CEP126: variants seen among roughly 807,000 people sequenced by gnomAD.
The protein encoded by CEP126 is centrosomal protein 126, also known as centrosomal protein of 126 kDa.
In CEP126, 74 loss-of-function variants were observed where a neutral mutation model predicts 107.8. The observed-to-expected ratio is 0.69, with a 90% confidence interval of 0.57 to 0.83. The LOEUF is 0.83. Ranked by LOEUF, CEP126 falls within the 40% of genes least tolerant of loss-of-function variation. The probability of loss-of-function intolerance (pLI) is 0.00; values close to 1 mark genes in which losing one functional copy is unlikely to be tolerated. For synonymous variants in CEP126, 449 were observed against 446.0 expected (o/e 1.01, Z -0.08); for missense variants, 1,237 against 1,281.9 (o/e 0.96, Z 0.53).
intron 5 of CEP126, among the ~76,000 whole-genome samples, chr11:101,960,677 C>A (rs1420273637): frequency 6.6e-6 from 1 of 151,846 alleles, no homozygotes; most frequent in Non-Finnish European, 1.5e-5. Flanking sequence ...TATTTTTATT[C>A]TGTAATTTAT....
intron 2 of CEP126, among the ~76,000 whole-genome samples, chr11:101,923,801 G>C (rs550796937): frequency 1.6e-4 from 25 of 152,190 alleles, no homozygotes; most frequent in African/African-American, 5.1e-4. Context: ...GGAAATACTA[G>C]CTCTATGAAT....
chr11:101,987,447 A>C (rs1941328846), intron 9 of CEP126, among the ~76,000 whole-genome samples: 1 of 152,188 alleles, frequency 6.6e-6, no homozygotes, highest in Non-Finnish European at 1.5e-5. Context: ...CAAAAAGATA[A>C]GGAGAGTGCA....
intron 1 of CEP126, among the ~76,000 whole-genome samples, chr11:101,919,528 A>G (rs1190597340): frequency 6.6e-6 from 1 of 152,106 alleles, no homozygotes; most frequent in Non-Finnish European, 1.5e-5. Context: ...TACCTTTACC[A>G]TACAGCTTGT....
intron 6 of CEP126, among the ~76,000 whole-genome samples, chr11:101,977,921 T>C (rs1172423861): frequency 6.6e-6 from 1 of 152,214 alleles, no homozygotes; most frequent in Non-Finnish European, 1.5e-5. Context: ...TTAAGATAAC[T>C]GAGTTTACTT....
intron 9 of CEP126, among the ~76,000 whole-genome samples, chr11:101,988,506 T>C (rs1941339300): frequency 6.6e-6 from 1 of 151,956 alleles, no homozygotes; most frequent in Admixed American, 6.6e-5. Context: ...ACAATGCCAA[T>C]CTACAGATTC....
intron 4 of CEP126, 80 bp from the exon 5 acceptor site, chr11:101,958,088 C>A (rs537717902): frequency 2.0e-5 from 23 of 1,162,696 alleles, no homozygotes; most frequent in Non-Finnish European, 2.7e-5. Context: ...CGTATTACAC[C>A]TAATGTGTCA....
chr11:101,945,089 G>A (rs1319691399), intron 3 of CEP126, among the ~76,000 whole-genome samples: 1 of 152,180 alleles, frequency 6.6e-6, no homozygotes, highest in Admixed American at 6.5e-5. Context: ...CTGTTTTGGA[G>A]ATGAGAGTGG....
intron 3 of CEP126, among the ~76,000 whole-genome samples, chr11:101,946,587 G>A (rs749065336): frequency 1.1e-4 from 16 of 152,068 alleles, no homozygotes; most frequent in South Asian, 2.1e-4. Context: ...GAGGCCGGGC[G>A]TGGTGGCTCA....
At chr11:101,947,092 A>G (rs953987479) in intron 3 of CEP126, among the ~76,000 whole-genome samples, 1 of 152,186 alleles carries the variant, frequency 6.6e-6, no homozygotes, top group Non-Finnish European at 1.5e-5. Context: ...TAACCCTTAC[A>G]TAATAACATC....
At chr11:101,925,049 C>A (rs1489936271) in intron 2 of CEP126, among the ~76,000 whole-genome samples, 1 of 152,162 alleles carries the variant, frequency 6.6e-6, no homozygotes, top group Admixed American at 6.5e-5. Context: ...TTGTTTCCCT[C>A]CAAGTCCCCT....
intron 2 of CEP126, among the ~76,000 whole-genome samples, chr11:101,925,244 A>G (rs1382034698): frequency 6.6e-6 from 1 of 152,126 alleles, no homozygotes; most frequent in Non-Finnish European, 1.5e-5. Flanking sequence ...TTACTTTCTA[A>G]TATGCTTCTT....
At chr11:101,982,490 T>C (rs916810440) in intron 8 of CEP126, among the ~76,000 whole-genome samples, 1 of 152,202 alleles carries the variant, frequency 6.6e-6, no homozygotes. Context: ...ATTAATATTA[T>C]GCTTAATTGC....
intron 9 of CEP126, among the ~76,000 whole-genome samples, chr11:101,992,233 TAA>T (rs1941393802): frequency 6.6e-6 from 1 of 152,078 alleles, no homozygotes; most frequent in African/African-American, 2.4e-5. Flanking sequence ...AGGTAAAGAA[TAA>T]AAAAATTAAG....
intron 10 of CEP126, 96 bp downstream of exon 10, chr11:101,992,938 ATTTC>A: frequency 1.7e-6 from 2 of 1,178,800 alleles, no homozygotes; most frequent in Non-Finnish European, 2.2e-6. Context: ...TAATATTAAT[ATTTC>A]TTGGGATTGG....
chr11:101,923,153 A>G (rs1272965590), intron 2 of CEP126, among the ~76,000 whole-genome samples: 3 of 152,200 alleles, frequency 2.0e-5, no homozygotes, highest in Non-Finnish European at 4.4e-5. Context: ...ACTTCTATAT[A>G]ATTTTTCTAT....
In CEP126 at chr11:101,961,942, T is replaced by C. The variant is rs202230504; in HGVS notation, c.907T>C (p.Phe303Leu). Residue 303 changes from phenylalanine (F) to leucine (L), a missense_variant, in exon 6 of 11, where the codon TTC becomes CTC. Coordinates refer to ENST00000263468, the MANE Select transcript of CEP126 (RefSeq NM_020802.4). ...CTGCTTTGATGAAGATAAACTGGCA[T>C]TCTCTAAAACTCAACATATAAATAA... ...LSCFDEDKLA[F>L]SKTQHINNWL... is the part of the protein sequence containing the mutation. 5.6e-6 allele frequency: 9 copies of C among 1,611,024 alleles called. No homozygotes were observed. The highest frequency in any genetic ancestry group is 3.4e-5 in the Admixed American group (2 of 59,476).
rs767254736 is a variant in CEP126 at position 101,962,777 on chromosome 11, A to G, written c.1742A>G (p.Lys581Arg). Residue 581 changes from lysine (K) to arginine (R), a missense_variant, in exon 6 of 11, where the codon AAA (lysine) becomes AGA (arginine). Physicochemically the swap from Lys to Arg is conservative, Grantham distance 26 (BLOSUM62 2). This residue lies in a region of CEP126 where 1,134 missense variants were observed against 1,150.5 expected (regional missense o/e 0.99). Coordinates refer to ENST00000263468, the MANE Select transcript of CEP126 (RefSeq NM_020802.4). ...AGATTTCTTAAAAGTATTTTAAAGA[A>G]AGAATCTAAATATGAACATGGTTAT... ...GVRFLKSILK[K>R]ESKYEHGYLK... is the part of the protein sequence containing the mutation. 1.2e-6 allele frequency: 2 copies of G among 1,604,456 alleles called. No homozygotes were observed. The highest frequency in any genetic ancestry group is 2.3e-5 in the South Asian group (2 of 88,082).
At position 101,962,173 on chromosome 11, in the gene CEP126, G is replaced by C; in HGVS notation, c.1138G>C (p.Asp380His). 6.2e-7 allele frequency: 1 copy of C among 1,613,672 alleles called. No individual in the cohort carries two copies. Among genetic ancestry groups the C allele is most frequent in the East Asian group, 2.2e-5 (1 of 44,854 alleles). Reference protein sequence around the residue: ...FVSSPPMFVLDKKCEKTSETS... With the variant: ...FVSSPPMFVLHKKCEKTSETS... The stretch of plus-strand genomic sequence containing the variant: ...ATCTAGCCCACCCATGTTTGTACTA[G>C]ATAAAAAATGTGAAAAGACCTCTGA... Residue 380 changes from aspartate to histidine, a missense_variant, in exon 6 of 11, where the codon GAT becomes CAT. By Grantham distance (81) the Asp-to-His change is moderately conservative. Coordinates refer to ENST00000263468, the MANE Select transcript of CEP126 (RefSeq NM_020802.4).
chr11:101,951,531 G>C (rs1252761401), intron 4 of CEP126, among the ~76,000 whole-genome samples: 1 of 151,616 alleles, frequency 6.6e-6, no homozygotes, highest in Non-Finnish European at 1.5e-5. Flanking sequence ...AGGAGAAGGA[G>C]AAGGAAAAAG....
Sources: gnomAD v4.1 joint callset for allele counts (sites outside exome capture counted in the v4.1 genomes callset) on GRCh38, gnomAD v4.1.1 for gene constraint, gnomAD v4.1.1 regional missense constraint, MANE v1.5 for transcripts, NCBI Gene and HGNC (gene_info 2026-07-23, HGNC 2026-07-21) for gene names.